The following THOC7 variants were observed in gnomAD, a reference collection of about 807,000 sequenced individuals.
THOC7 encodes the protein THO complex subunit 7.
A neutral mutation model predicts 33.1 loss-of-function variants in THOC7; 22 were observed. The observed-to-expected ratio is 0.66, with a 90% CI of 0.47 to 0.95. THOC7 has a LOEUF of 0.95. THOC7 is among the 40% of genes least tolerant of loss of function. The pLI, the probability that THOC7 is intolerant of heterozygous loss-of-function variation, is 0.00. For synonymous variants in THOC7, 77 were observed against 76.8 expected, an observed-to-expected ratio of 1.00 and a Z score of -0.01; for missense variants, 184 against 245.3, an observed-to-expected ratio of 0.75 and a Z score of 1.67.
chr3:63,853,704 C>G (rs1410322433), intron 1 of THOC7, among the ~76,000 whole-genome samples: 1 of 152,120 alleles, frequency 6.6e-6, no homozygotes, highest in Non-Finnish European at 1.5e-5. Context: ...GTCAGGAGAT[C>G]GAGACCATCC....
intron 1 of THOC7, among the ~76,000 whole-genome samples, chr3:63,858,238 A>C (rs1021567046): frequency 6.6e-6 from 1 of 152,206 alleles, no homozygotes; most frequent in African/African-American, 2.4e-5. Context: ...TACATATATT[A>C]TCATGTTTCA....
chr3:63,834,373 A>T (rs79275772), intron 7 of THOC7, among the ~76,000 whole-genome samples, 174 bp from the exon 8 acceptor site: 1 of 151,938 alleles, frequency 6.6e-6, no homozygotes, highest in Admixed American at 6.6e-5. Context: ...AAAAAAAAAA[A>T]TCCAGGCAGG....
Position 63,834,060 on chromosome 3 carries a change from T to C in THOC7, c.*72A>G. On this transcript the variant is annotated 3_prime_UTR_variant, in exon 8 of 8. Coordinates refer to ENST00000295899, the MANE Select transcript of THOC7 (RefSeq NM_025075.4). ...CAAAACTTTAAATATCTCAAGAGCA[T>C]ACCACATTTTAAACACATTATGGTC... 2.0e-6 allele frequency: 3 copies of C among 1,468,258 alleles called. No homozygotes were observed. In the South Asian group the frequency reaches 3.5e-5, roughly 17 times the overall value. The allele number at this position is 1,468,258 out of a possible 1,614,324, so 91.0% of individuals were successfully genotyped here. A position where few individuals can be genotyped will look rare whatever the true frequency, so the allele number is the denominator to read the frequency against.
intron 1 of THOC7, among the ~76,000 whole-genome samples, chr3:63,849,533 T>C (rs1178360920): frequency 1.3e-5 from 2 of 152,128 alleles, no homozygotes; most frequent in African/African-American, 2.4e-5. Flanking sequence ...CTTCCTAACA[T>C]TGAGAGGTTT....
chr3:63,863,097 C>T (rs1038086453), intron 1 of THOC7: 16 of 152,828 alleles, frequency 1.0e-4, no homozygotes, highest in African/African-American at 3.6e-4. Flanking sequence ...CCGGATACCT[C>T]ATCCCTATCT....
upstream of THOC7, chr3:63,863,928 C>A: frequency 5.6e-6 from 4 of 720,664 alleles, no homozygotes; most frequent in Non-Finnish European, 6.8e-6. Context: ...CCGCCTGCTC[C>A]GACGCCTGAG....
In THOC7 at chr3:63,838,372, C is replaced by G. The variant is rs750340024; in HGVS notation, c.265G>C (p.Glu89Gln). 2.3e-5 allele frequency: 34 copies of G among 1,486,048 alleles called. No individual in the cohort carries two copies. The highest frequency in any genetic ancestry group is 4.2e-5 in the African/African-American group (3 of 71,220). 92.1% of individuals were successfully genotyped at this position (1,486,048 alleles called of 1,614,324 possible). The change falls in exon 3 of 8, where the codon GAA (glutamate) becomes CAA (glutamine). Residue 89 changes from glutamate (E) to glutamine (Q), a missense_variant and splice_region_variant. Physicochemically the swap from Glu to Gln is conservative, Grantham distance 29. Transcript: ENST00000295899. Reference sequence around the variant, plus strand: ...AGATAGAAACATTAAGATTCTTTACCTATTTCCTTGTAAATTTTTTCATAA... The same window carrying G: ...AGATAGAAACATTAAGATTCTTTACGTATTTCCTTGTAAATTTTTTCATAA... Reference protein sequence around the residue: ...ENYEKIYKEIECSIAGAHEKI... With the variant: ...ENYEKIYKEIQCSIAGAHEKI...
At chr3:63,863,566 C>T (rs1012201863) in intron 1 of THOC7, 1 of 1,196,740 alleles carries the variant, frequency 8.4e-7, no homozygotes, top group African/African-American at 1.6e-5. Context: ...CCGAGGGGCG[C>T]TCGGGCTCTG....
chr3:63,863,477 A>G, intron 1 of THOC7: 1 of 1,164,346 alleles, frequency 8.6e-7, no homozygotes, highest in South Asian at 4.4e-5. Context: ...GTGTGTTCCC[A>G]GCCCACCGAC....
intron 7 of THOC7, 33 bp downstream of exon 7, chr3:63,835,121 A>C: frequency 6.2e-7 from 1 of 1,605,134 alleles, no homozygotes; most frequent in Non-Finnish European, 8.5e-7. Flanking sequence ...AAAAATCTTC[A>C]TAAGCATTTA....
chr3:63,848,228 A>G (rs1217065318), intron 1 of THOC7: 3 of 152,082 alleles, frequency 2.0e-5, no homozygotes, highest in African/African-American at 7.2e-5. Context: ...AGAGTCTGGC[A>G]CCTTTTTAAG....
At chr3:63,837,943 GTATT>G (rs1701668666) in intron 4 of THOC7, 29 bp downstream of exon 4, 2 of 1,577,936 alleles carry the variant, frequency 1.3e-6, no homozygotes, top group African/African-American at 2.7e-5. Flanking sequence ...CAGTAATAAT[GTATT>G]TGCACATTAA....
intron 1 of THOC7, among the ~76,000 whole-genome samples, chr3:63,848,047 C>T (rs569736301): frequency 2.0e-5 from 3 of 152,156 alleles, no homozygotes; most frequent in African/African-American, 7.2e-5. Flanking sequence ...CTCTTTGTAC[C>T]AATAAGATAC....
At chr3:63,841,507 T>C (rs1701759446) in intron 1 of THOC7, among the ~76,000 whole-genome samples, 2 of 152,224 alleles carry the variant, frequency 1.3e-5, no homozygotes, top group African/African-American at 2.4e-5. Flanking sequence ...TAGGCAGAAG[T>C]ATTTTTGAGC....
rs535592832 is a variant in THOC7, at chr3:63,845,161, CTGAGCTCTGCTCTCT to C, written c.20-5403_20-5389del. ...CCTGAGGGTTAAGTCCCCCTCAGAT[CTGAGCTCTGCTCTCT>C]TTAAGTATTTAAGCTCGCTGATATC... On this transcript the variant is annotated intron_variant, in intron 1 of 7. Transcript: ENST00000295899. The C allele has an allele frequency of 4.6e-5, 27 of 586,388 alleles. No homozygotes were observed. The East Asian group carries it at 6.9e-4, about 15-fold the overall frequency. 36.3% of individuals were successfully genotyped at this position (586,388 alleles called of 1,614,324 possible). A position where few individuals can be genotyped will look rare whatever the true frequency, so the allele number is the denominator to read the frequency against.
At chr3:63,841,546 G>A (rs1701761114) in intron 1 of THOC7, among the ~76,000 whole-genome samples, 1 of 152,152 alleles carries the variant, frequency 6.6e-6, no homozygotes, top group African/African-American at 2.4e-5. Flanking sequence ...AACTTTGGAA[G>A]GCAGATGGCT....
intron 1 of THOC7, among the ~76,000 whole-genome samples, chr3:63,840,417 C>T (rs548898107): frequency 1.2e-4 from 18 of 152,036 alleles, no homozygotes; most frequent in African/African-American, 4.1e-4. Context: ...CACAGTGAGA[C>T]TCTGACTCTA....
intron 1 of THOC7, among the ~76,000 whole-genome samples, chr3:63,849,517 A>C (rs983965739): frequency 3.3e-5 from 5 of 151,814 alleles, no homozygotes; most frequent in Non-Finnish European, 5.9e-5. Context: ...GTGTGCCTTC[A>C]TTTGGCTTCC....
At position 63,838,378 on chromosome 3, in the gene THOC7, C is replaced by T. The variant is rs1701678074; in HGVS notation, c.259G>A (p.Glu87Lys). 6.6e-7 allele frequency: 1 copy of T among 1,508,240 alleles called. No homozygotes were observed. The highest frequency in any genetic ancestry group is 9.1e-7 in the Non-Finnish European group (1 of 1,094,444). 93.4% of individuals were successfully genotyped at this position (1,508,240 alleles called of 1,614,324 possible). A position where few individuals can be genotyped will look rare whatever the true frequency, so the allele number is the denominator to read the frequency against. ...AAACATTAAGATTCTTTACCTATTT[C>T]CTTGTAAATTTTTTCATAATTTTCC... is the stretch of plus-strand genomic sequence containing the variant. The part of the protein sequence containing the change: ...EMENYEKIYK[E>K]IECSIAGAHE... The change falls in exon 3 of 8, where the codon GAA becomes AAA. Residue 87 changes from glutamate to lysine, a missense_variant. Glu to Lys is a moderately conservative substitution (Grantham distance 56). Around this residue, in one of 3 missense-constraint regions of THOC7, gnomAD observed 157 missense variants for 201.3 expected, o/e 0.78. Transcript: ENST00000295899.
Sources: gnomAD v4.1 joint callset for allele counts (sites outside exome capture counted in the v4.1 genomes callset) on GRCh38, gnomAD v4.1.1 for gene constraint, gnomAD v4.1.1 regional missense constraint, MANE v1.5 for transcripts, NCBI Gene and HGNC (gene_info 2026-07-23, HGNC 2026-07-21) for gene names.